GSDMC: variants seen among roughly 807,000 people sequenced by gnomAD.
The protein encoded by GSDMC is gasdermin C.
GSDMC carries 59 observed loss-of-function variants against 58.0 expected under a neutral mutation model. The ratio of observed to expected loss-of-function variants is 1.02; its 90% CI spans 0.82 to 1.26. GSDMC has a LOEUF of 1.26. Among genes scored for constraint, GSDMC ranks in the 50% most tolerant of loss-of-function variants. The pLI is 0.00. For synonymous variants in GSDMC, 241 were observed against 220.2 expected (o/e 1.09, Z -0.83); for missense variants, 659 against 598.5 (o/e 1.10, Z -1.06).
downstream of GSDMC, among the ~76,000 whole-genome samples, chr8:129,746,972 G>A (rs2032974815): frequency 6.6e-6 from 1 of 152,046 alleles, no homozygotes; most frequent in Non-Finnish European, 1.5e-5. Context: ...TAAACAGACT[G>A]GGAACGGTGG....
intron 8 of GSDMC, 99 bp downstream of exon 8, chr8:129,752,007 A>G: frequency 3.4e-6 from 5 of 1,455,832 alleles, no homozygotes; most frequent in Non-Finnish European, 4.8e-6. Flanking sequence ...TTTTCCCCAG[A>G]GGCCAGACCC....
intron 2 of GSDMC, among the ~76,000 whole-genome samples, chr8:129,776,665 C>A (rs1424947061): frequency 1.3e-5 from 2 of 152,132 alleles, no homozygotes; most frequent in Non-Finnish European, 2.9e-5. Context: ...GGATGTGGAG[C>A]CAGACAGACC....
intron 3 of GSDMC, among the ~76,000 whole-genome samples, chr8:129,772,142 T>C (rs1354264758): frequency 1.3e-5 from 2 of 151,556 alleles, no homozygotes; most frequent in Non-Finnish European, 2.9e-5. Context: ...GCGCCTGTAG[T>C]CCCAGCTGCT....
chr8:129,738,392 C>G, the GSDMC span, among the ~76,000 whole-genome samples: 17 of 152,160 alleles, frequency 1.1e-4, no homozygotes, highest in Non-Finnish European at 1.8e-4. Flanking sequence ...ATAGCAAAGA[C>G]TTGGAGCCAA....
At chr8:129,760,869 C>T (rs1417295276) in intron 5 of GSDMC, among the ~76,000 whole-genome samples, 2 of 152,180 alleles carry the variant, frequency 1.3e-5, no homozygotes, top group African/African-American at 4.8e-5. Context: ...CCTCTTGCTG[C>T]CCTTTTCTTA....
the GSDMC span, among the ~76,000 whole-genome samples, chr8:129,710,076 T>A: frequency 6.6e-6 from 1 of 152,256 alleles, no homozygotes; most frequent in Non-Finnish European, 1.5e-5. Context: ...CAAGCATAAA[T>A]GATAAATGAA....
At chr8:129,751,981 C>T (rs2033216940) in intron 8 of GSDMC, 90 bp from the exon 9 acceptor site, 1 of 1,458,154 alleles carries the variant, frequency 6.9e-7, no homozygotes, top group African/African-American at 1.4e-5. Flanking sequence ...CCACTCTTCT[C>T]TATCTGTTCC....
chr8:129,756,230 T>C (rs942039427), intron 6 of GSDMC, among the ~76,000 whole-genome samples: 3 of 149,358 alleles, frequency 2.0e-5, no homozygotes, highest in Non-Finnish European at 3.0e-5. Context: ...ACAAAATAGA[T>C]TTCAAGACAA....
At chr8:129,739,063 T>C in the GSDMC span, among the ~76,000 whole-genome samples, 1 of 152,164 alleles carries the variant, frequency 6.6e-6, no homozygotes, top group Non-Finnish European at 1.5e-5. Flanking sequence ...TTTATTATAC[T>C]TTAAGTTCTG....
At chr8:129,742,272 C>T in the GSDMC span, among the ~76,000 whole-genome samples, 7 of 151,938 alleles carry the variant, frequency 4.6e-5, no homozygotes, top group South Asian at 1.5e-3. Context: ...ATTGCAAATG[C>T]CCCATCACAA....
chr8:129,752,756 A>G lies in GSDMC; in HGVS notation c.786T>C (p.Phe262=), dbSNP rs143824520. The G allele has an allele frequency of 2.8e-4, 444 of 1,614,226 alleles. No homozygotes were observed. The highest frequency in any genetic ancestry group is 3.6e-4 in the Non-Finnish European group (421 of 1,180,028). ...AARSEGLLPS[F]HTISPTLFNA... ...TGAAGAGGGTTGGAGAGATGGTATG[A>G]AATGATGGTAGCAACCCCTCACTCC... Residue 262 remains phenylalanine (F), a synonymous_variant, in exon 7 of 14, where the codon TTT becomes TTC. Coordinates refer to ENST00000276708, the MANE Select transcript of GSDMC (RefSeq NM_031415.3).
At chr8:129,759,630 C>A (rs1203835486) in intron 6 of GSDMC, among the ~76,000 whole-genome samples, 1 of 152,140 alleles carries the variant, frequency 6.6e-6, no homozygotes, top group South Asian at 2.1e-4. Context: ...CATCACTGAT[C>A]TTCTGAGAAA....
intron 3 of GSDMC, 80 bp from the exon 4 acceptor site, chr8:129,765,873 C>CTTGGGGAG: frequency 1.7e-6 from 2 of 1,203,300 alleles, no homozygotes; most frequent in Non-Finnish European, 2.4e-6. Flanking sequence ...CCCTTCTCCC[C>CTTGGGGAG]AAGACCTGGG....
At chr8:129,709,383 G>A in the GSDMC span, among the ~76,000 whole-genome samples, 1 of 152,096 alleles carries the variant, frequency 6.6e-6, no homozygotes. Flanking sequence ...TTACGACAGT[G>A]TTCAGCTTCA....
chr8:129,707,690 A>G, the GSDMC span, among the ~76,000 whole-genome samples: 1 of 152,220 alleles, frequency 6.6e-6, no homozygotes, highest in Non-Finnish European at 1.5e-5. Context: ...CTTGATACAC[A>G]TATATTCTAC....
chr8:129,743,808 C>G (rs1198223089), downstream of GSDMC, among the ~76,000 whole-genome samples: 1 of 152,186 alleles, frequency 6.6e-6, no homozygotes, highest in East Asian at 1.9e-4. Context: ...CTTATCCCTT[C>G]TACTAAGACA....
chr8:129,759,103 C>T (rs1005381419), intron 6 of GSDMC, among the ~76,000 whole-genome samples: 4 of 152,110 alleles, frequency 2.6e-5, no homozygotes, highest in African/African-American at 9.7e-5. Context: ...CAAGCACATA[C>T]AATGGAGAAA....
chr8:129,729,184 G>T, the GSDMC span: 2 of 660,770 alleles, frequency 3.0e-6, no homozygotes, highest in Admixed American at 1.9e-5. Flanking sequence ...ATATGTGTCA[G>T]CAATAAGCTG....
At chr8:129,718,154 A>G in the GSDMC span, among the ~76,000 whole-genome samples, 4 of 152,222 alleles carry the variant, frequency 2.6e-5, no homozygotes, top group Non-Finnish European at 5.9e-5. Flanking sequence ...GATGGCAAAA[A>G]AAAGCCAAAA....
Sources: gnomAD v4.1 joint callset for allele counts (sites outside exome capture counted in the v4.1 genomes callset) on GRCh38, gnomAD v4.1.1 for gene constraint, MANE v1.5 for transcripts, NCBI Gene and HGNC (gene_info 2026-07-23, HGNC 2026-07-21) for gene names.